Variants in CSMD3 observed in about 807,000 individuals in gnomAD.
CSMD3 encodes CUB and Sushi multiple domains 3.
A neutral mutation model predicts 435.2 loss-of-function variants in CSMD3; 177 were observed. The ratio of observed to expected loss-of-function variants is 0.41; its 90% confidence interval spans 0.36 to 0.46. The LOEUF (loss-of-function observed/expected upper bound fraction) is 0.46, where lower values mean the gene tolerates loss of function less well. Ranked by LOEUF, CSMD3 falls within the 20% of genes least tolerant of loss-of-function variation. The pLI is 0.34. For missense variants in CSMD3, 4,265 were observed against 4,504.6 expected (o/e 0.95, Z 1.52); for synonymous variants, 1,656 against 1,520.5 (o/e 1.09, Z -2.07).
intron 53 of CSMD3, among the ~76,000 whole-genome samples, chr8:112,300,032 A>G (rs938176789): frequency 6.7e-6 from 1 of 150,280 alleles, no homozygotes; most frequent in East Asian, 1.9e-4. Flanking sequence ...GCCATAAAAT[A>G]TAGTATTTTC....
chr8:112,267,502 A>G (rs780824208), intron 59 of CSMD3, among the ~76,000 whole-genome samples: 1 of 152,112 alleles, frequency 6.6e-6, no homozygotes, highest in African/African-American at 2.4e-5. Context: ...GAATGTAAAA[A>G]TGAGTATAAG....
chr8:112,268,260 C>T (rs1430056828), intron 59 of CSMD3, among the ~76,000 whole-genome samples: 7 of 152,128 alleles, frequency 4.6e-5, no homozygotes, highest in African/African-American at 1.7e-4. Context: ...GTTGTCAGCT[C>T]AAATTCTCAA....
intron 6 of CSMD3, among the ~76,000 whole-genome samples, chr8:113,005,516 T>C (rs577337150): frequency 6.6e-6 from 1 of 152,090 alleles, no homozygotes; most frequent in Non-Finnish European, 1.5e-5. Flanking sequence ...AAATATACTC[T>C]CAAATGTTTT....
At chr8:112,378,008 C>T (rs752409298) in intron 38 of CSMD3, among the ~76,000 whole-genome samples, 4 of 151,922 alleles carry the variant, frequency 2.6e-5, no homozygotes, top group Admixed American at 1.3e-4. Flanking sequence ...AGGAATTAGA[C>T]AAGAAATAGA....
intron 5 of CSMD3, among the ~76,000 whole-genome samples, chr8:113,063,191 A>G (rs1212404775): frequency 6.6e-6 from 1 of 151,774 alleles, no homozygotes; most frequent in Non-Finnish European, 1.5e-5. Context: ...AAAAAGCAAA[A>G]CAAAACTTTA....
intron 12 of CSMD3, among the ~76,000 whole-genome samples, chr8:112,808,133 C>T (rs1381865420): frequency 2.6e-5 from 4 of 152,100 alleles, no homozygotes; most frequent in South Asian, 2.1e-4. Context: ...AACCAGCTTT[C>T]CCAGAAATTA....
At chr8:113,008,524 A>G (rs1564202851) in intron 6 of CSMD3, among the ~76,000 whole-genome samples, 1 of 151,836 alleles carries the variant, frequency 6.6e-6, no homozygotes, top group Non-Finnish European at 1.5e-5. Context: ...TATAACTGAG[A>G]AACTGAATTT....
At chr8:112,240,790 T>C (rs1181324960) in intron 66 of CSMD3, among the ~76,000 whole-genome samples, 2 of 152,104 alleles carry the variant, frequency 1.3e-5, no homozygotes, top group Non-Finnish European at 2.9e-5. Context: ...TGGGAGATAA[T>C]TGAATCATGG....
At chr8:112,921,579 G>A (rs775250921) in intron 10 of CSMD3, 48 bp downstream of exon 10, 2 of 1,473,150 alleles carry the variant, frequency 1.4e-6, no homozygotes, top group Non-Finnish European at 1.9e-6. Flanking sequence ...ATGAAATAAA[G>A]GTTAAACTAT....
Position 112,687,362 on chromosome 8 carries a change from G to A in CSMD3, c.2156-1630C>T, listed in dbSNP as rs188414951. ...TTAAAAAATTATCTGCTCATAAACTGATCATTTAAGTTTATGATCTCTTAG... is the reference window on the plus strand; with the variant it reads ...TTAAAAAATTATCTGCTCATAAACTAATCATTTAAGTTTATGATCTCTTAG... On this transcript the variant is annotated intron_variant, in intron 14 of 70. Coordinates refer to ENST00000297405, the MANE Select transcript of CSMD3 (RefSeq NM_198123.2). 5.5e-4 allele frequency among the ~76,000 whole-genome samples: 84 copies of A among 151,952 alleles called. No homozygotes were observed. In the East Asian group the frequency reaches 8.5e-3, roughly 15 times the overall value.
chr8:112,838,900 T>A (rs1251512481), intron 11 of CSMD3, among the ~76,000 whole-genome samples: 1 of 151,776 alleles, frequency 6.6e-6, no homozygotes, highest in Non-Finnish European at 1.5e-5. Flanking sequence ...AAATATTGTA[T>A]GATACAAAAT....
chr8:112,314,613 G>A lies in CSMD3; in HGVS notation c.7365C>T (p.Leu2455=), dbSNP rs1215877122. Residue 2455 remains leucine, a synonymous_variant, in exon 48 of 71, where the codon CTC becomes CTT. Transcript: ENST00000297405. ...CTAGCCGTAATTCATTGGCAGGACA[G>A]AGCACTGTCAAAGAAAAATGTCATT... The part of the protein sequence containing the change: ...MDGAPPVCQV[L]CPANELRLDS... The A allele has an allele frequency of 6.2e-7, 1 of 1,610,128 alleles. No homozygotes were observed. The highest frequency in any genetic ancestry group is 1.7e-5 in the Admixed American group (1 of 59,950).
chr8:112,962,239 A>G (rs2084258966), intron 7 of CSMD3, among the ~76,000 whole-genome samples: 1 of 151,450 alleles, frequency 6.6e-6, no homozygotes, highest in Non-Finnish European at 1.5e-5. Context: ...TGGTATTTTC[A>G]TTTCAAAAGT....
chr8:112,817,468 T>C (rs1406572407), intron 12 of CSMD3, among the ~76,000 whole-genome samples: 2 of 152,068 alleles, frequency 1.3e-5, no homozygotes, highest in African/African-American at 4.8e-5. Context: ...TCTTTTGATA[T>C]CCTTTAAAAG....
At chr8:112,638,480 A>C (rs1162277362) in intron 21 of CSMD3, among the ~76,000 whole-genome samples, 1 of 151,356 alleles carries the variant, frequency 6.6e-6, no homozygotes, top group Non-Finnish European at 1.5e-5. Context: ...ATAGCAAATT[A>C]ATTTTTGCTT....
In CSMD3 at chr8:113,168,308, C is replaced by T. The variant is rs141358870; in HGVS notation, c.709+5414G>A. Among the ~76,000 whole-genome samples, 83 of 151,952 alleles carry T rather than the reference C, an allele frequency of 5.5e-4. 1 individual carries two copies. The East Asian group carries it at 0.011, about 20-fold the overall frequency. On this transcript the variant is annotated intron_variant, in intron 4 of 70. Transcript: ENST00000297405. ...CAGGGAGGCTAAGGCGGGCAGATCA[C>T]GAGGTCAAGAGATCAAGACCTGGCC... is the stretch of plus-strand genomic sequence containing the variant.
chr8:113,062,672 AC>A (rs2088666677), intron 5 of CSMD3, among the ~76,000 whole-genome samples: 1 of 151,844 alleles, frequency 6.6e-6, no homozygotes. Flanking sequence ...TTAAAATATT[AC>A]ATATTTACTT....
intron 4 of CSMD3, among the ~76,000 whole-genome samples, chr8:113,120,092 G>T (rs1045323451): frequency 1.3e-5 from 2 of 152,008 alleles, no homozygotes; most frequent in Non-Finnish European, 2.9e-5. Context: ...ATGTATATAT[G>T]TTCAAACACA....
intron 20 of CSMD3, among the ~76,000 whole-genome samples, chr8:112,642,304 C>T (rs1036189575): frequency 1.3e-5 from 2 of 151,802 alleles, no homozygotes; most frequent in East Asian, 1.9e-4. Context: ...CTAGGTTTCC[C>T]GTAACTATTT....
Sources: gnomAD v4.1 joint callset for allele counts (sites outside exome capture counted in the v4.1 genomes callset) on GRCh38, gnomAD v4.1.1 for gene constraint, MANE v1.5 for transcripts, NCBI Gene and HGNC (gene_info 2026-07-23, HGNC 2026-07-21) for gene names.